SCAPER: variants seen among roughly 807,000 people sequenced by gnomAD.
SCAPER encodes the protein S phase cyclin A-associated protein in the endoplasmic reticulum.
In SCAPER, 98 loss-of-function variants were observed where a neutral mutation model predicts 182.2. That is an observed-to-expected ratio of 0.54 (90% CI 0.46 to 0.64). The LOEUF (loss-of-function observed/expected upper bound fraction) is 0.64, where lower values mean the gene tolerates loss of function less well. SCAPER is among the 30% of genes least tolerant of loss of function. The pLI, the probability that SCAPER is intolerant of heterozygous loss-of-function variation, is 0.00. For missense variants in SCAPER, 1,432 were observed against 1,690.0 expected, an observed-to-expected ratio of 0.85 and a Z score of 2.68; for synonymous variants, 605 against 564.6, an observed-to-expected ratio of 1.07 and a Z score of -1.01.
intron 22 of SCAPER, chr15:76,586,715 A>G (rs1468193956): frequency 6.5e-6 from 1 of 153,232 alleles, no homozygotes; most frequent in Non-Finnish European, 1.5e-5. Context: ...AGTCTACTAA[A>G]TATCAGGGAT....
chr15:76,726,124 A>AATATGAATATATAT lies in SCAPER; in HGVS notation c.2165+2470_2165+2471insATATATATTCATAT, dbSNP rs1555555703. Among the ~76,000 whole-genome samples, 25 of 15,350 alleles carry AATATGAATATATAT rather than the reference A, an allele frequency of 1.6e-3. 1 individual carries two copies. Among genetic ancestry groups the AATATGAATATATAT allele is most frequent in the Admixed American group, 7.8e-3 (7 of 902 alleles). 10.1% of individuals were successfully genotyped at this position (15,350 alleles called of 152,430 possible). A position where few individuals can be genotyped will look rare whatever the true frequency, so the allele number is the denominator to read the frequency against. Reference sequence around the variant, plus strand: ...TCTTTGATAAAGGGTTAATGTCTAGAATATATATATATATATATATATATA... The same window carrying AATATGAATATATAT: ...TCTTTGATAAAGGGTTAATGTCTAGAATATGAATATATATATATATATATATATATATATATATA... On this transcript the variant is annotated intron_variant, in intron 17 of 31. Coordinates refer to ENST00000563290, the MANE Select transcript of SCAPER (RefSeq NM_020843.4).
intron 31 of SCAPER, 161 bp downstream of exon 31, chr15:76,351,076 C>T (rs558108775): frequency 1.0e-4 from 55 of 548,514 alleles, no homozygotes; most frequent in South Asian, 1.1e-4. Flanking sequence ...ATGACAAAAT[C>T]GATTTCTTTA....
intron 5 of SCAPER, among the ~76,000 whole-genome samples, chr15:76,817,987 G>A (rs895417933): frequency 1.3e-5 from 2 of 152,166 alleles, no homozygotes; most frequent in Admixed American, 6.5e-5. Flanking sequence ...AAAAGACTCA[G>A]TAGAGCCAAT....
chr15:76,405,686 C>T (rs2044778638), intron 26 of SCAPER, among the ~76,000 whole-genome samples: 1 of 152,100 alleles, frequency 6.6e-6, no homozygotes, highest in Admixed American at 6.6e-5. Flanking sequence ...TATAAAAGAC[C>T]TTGTAGATAA....
At position 76,897,035 on chromosome 15, in the gene SCAPER, C is replaced by T. The variant is rs80311552; in HGVS notation, c.-60+8264G>A. On this transcript the variant is annotated intron_variant, in intron 1 of 31. Transcript: ENST00000563290. ...AAGTCTGCCAATTACAAACTACACT[C>T]GCCTTTAGATAAATTCTTTAACATT... 1.9e-3 allele frequency among the ~76,000 whole-genome samples: 291 copies of T among 152,220 alleles called. 3 individuals carry two copies. Among genetic ancestry groups the T allele is most frequent in the African/African-American group, 6.3e-3 (262 of 41,518 alleles).
chr15:76,780,520 G>A (rs1007313128), intron 8 of SCAPER, among the ~76,000 whole-genome samples: 5 of 152,226 alleles, frequency 3.3e-5, no homozygotes, highest in Admixed American at 3.3e-4. Context: ...TCTAAAGAGA[G>A]TAGTGGTTCT....
In SCAPER at chr15:76,562,016, C is replaced by T. The variant is rs111536167; in HGVS notation, c.2838+12142G>A. On this transcript the variant is annotated intron_variant, in intron 23 of 31. Transcript: ENST00000563290. ...AAAAAATTAGCTGGGTGTGGTGGCA[C>T]GTGCCTATAATCCCCCAGATACTCT... Among the ~76,000 whole-genome samples the T allele has an allele frequency of 2.5e-3, 375 of 151,462 alleles. 1 individual carries two copies. Among genetic ancestry groups the T allele is most frequent in the South Asian group, 0.015 (70 of 4,792 alleles).
chr15:76,621,812 C>A lies in SCAPER; in HGVS notation c.2663G>T (p.Ser888Ile). ...GCCAGAATTTTTGGTTTCCATTAAA[C>A]TCTCATATTCCTTAGCCCTGAAGAG... is the stretch of plus-strand genomic sequence containing the variant. ...RMNFRAKEYE[S>I]LMETKNSGSD... Residue 888 changes from serine (S) to isoleucine (I), a missense_variant, in exon 22 of 32, where the codon AGT becomes ATT. Ser to Ile is a moderately radical substitution (Grantham distance 142). Around this residue, in one of 5 missense-constraint regions of SCAPER, gnomAD observed 718 missense variants for 799.7 expected, o/e 0.90. Transcript: ENST00000563290. The A allele has an allele frequency of 6.2e-7, 1 of 1,606,488 alleles. No homozygotes were observed. Among genetic ancestry groups the A allele is most frequent in the Non-Finnish European group, 8.5e-7 (1 of 1,176,304 alleles).
intron 2 of SCAPER, among the ~76,000 whole-genome samples, chr15:76,881,640 A>C (rs1217431891): frequency 6.6e-6 from 1 of 152,256 alleles, no homozygotes; most frequent in Non-Finnish European, 1.5e-5. Context: ...CAAAAAGACA[A>C]ATACTGGATG....
chr15:76,899,325 T>C (rs753537173), intron 1 of SCAPER, among the ~76,000 whole-genome samples: 46 of 152,280 alleles, frequency 3.0e-4, no homozygotes, highest in Middle Eastern at 3.4e-3. Flanking sequence ...CCGCCACTCC[T>C]GACTGGTTTT....
At chr15:76,527,821 T>C (rs2043319581) in intron 23 of SCAPER, among the ~76,000 whole-genome samples, 1 of 152,202 alleles carries the variant, frequency 6.6e-6, no homozygotes, top group South Asian at 2.1e-4. Context: ...TCCTCTTCTG[T>C]TTAAAATTTT....
chr15:76,371,317 CTCTT>C (rs1210379270), intron 29 of SCAPER, among the ~76,000 whole-genome samples: 7 of 146,562 alleles, frequency 4.8e-5, no homozygotes, highest in South Asian at 2.1e-4. Flanking sequence ...TTCTCTCTCT[CTCTT>C]TTTTTTTTTT....
chr15:76,764,455 G>A (rs533336164), intron 14 of SCAPER, among the ~76,000 whole-genome samples: 22 of 152,354 alleles, frequency 1.4e-4, no homozygotes, highest in African/African-American at 5.3e-4. Context: ...GCCAGCTGTG[G>A]CCATGTGTGT....
At chr15:76,554,779 T>G (rs1267914948) in intron 23 of SCAPER, among the ~76,000 whole-genome samples, 1 of 144,126 alleles carries the variant, frequency 6.9e-6, no homozygotes, top group African/African-American at 2.5e-5. Flanking sequence ...GGGGCCTATA[T>G]TCAGCATTCT....
intron 29 of SCAPER, among the ~76,000 whole-genome samples, chr15:76,357,188 A>ACACACACACACCCC (rs774672151): frequency 1.3e-5 from 2 of 149,070 alleles, no homozygotes; most frequent in Non-Finnish European, 3.0e-5. Context: ...ACACACACAC[A>ACACACACACACCCC]CCCCTATGGC....
chr15:76,522,702 T>C (rs1003206284), intron 23 of SCAPER, among the ~76,000 whole-genome samples: 1 of 152,070 alleles, frequency 6.6e-6, no homozygotes, highest in Non-Finnish European at 1.5e-5. Flanking sequence ...GTAGAATTTC[T>C]TTTTAGGGTA....
chr15:76,472,499 G>T (rs2143003095), intron 24 of SCAPER: 2 of 386,864 alleles, frequency 5.2e-6, no homozygotes, highest in East Asian at 1.2e-4. Flanking sequence ...ACCAGTAGCT[G>T]GAATTACATG....
rs112847764 is a variant in SCAPER at position 76,404,736 on chromosome 15, C to A, written c.3312-57G>T. 1.1e-5 allele frequency: 17 copies of A among 1,543,940 alleles called. No individual in the cohort carries two copies. The African/African-American group carries it at 1.6e-4, about 15-fold the overall frequency. ...TCTGAATAGGCCAGCAACATCTTCA[C>A]CTTCAATGATAAATGCTACCATACA... On this transcript the variant is annotated intron_variant, in intron 26 of 31. Transcript: ENST00000563290.
At chr15:76,844,396 C>A (rs1332817898) in intron 4 of SCAPER, among the ~76,000 whole-genome samples, 2 of 151,708 alleles carry the variant, frequency 1.3e-5, no homozygotes, top group African/African-American at 4.8e-5. Flanking sequence ...GACTTATCCC[C>A]AAAAAAATGC....
Sources: gnomAD v4.1 joint callset for allele counts (sites outside exome capture counted in the v4.1 genomes callset) on GRCh38, gnomAD v4.1.1 for gene constraint, gnomAD v4.1.1 regional missense constraint, MANE v1.5 for transcripts, NCBI Gene and HGNC (gene_info 2026-07-23, HGNC 2026-07-21) for gene names.